Variants in SLC43A2 observed in about 807,000 individuals in gnomAD.
The protein encoded by SLC43A2 is large neutral amino acids transporter small subunit 4.
SLC43A2 carries 38 observed loss-of-function variants against 63.2 expected under a neutral mutation model. The ratio of observed to expected loss-of-function variants is 0.60; its 90% CI spans 0.46 to 0.79. SLC43A2 has a LOEUF of 0.79. SLC43A2 is among the 30% of genes least tolerant of loss of function. The probability of loss-of-function intolerance (pLI) is 0.00; values close to 1 mark genes in which losing one functional copy is unlikely to be tolerated. For synonymous variants in SLC43A2, 322 were observed against 331.0 expected (o/e 0.97, Z 0.30); for missense variants, 644 against 756.2 (o/e 0.85, Z 1.74).
At chr17:1,581,550 A>C (rs2076014476) in intron 11 of SLC43A2, among the ~76,000 whole-genome samples, 1 of 152,182 alleles carries the variant, frequency 6.6e-6, no homozygotes, top group Admixed American at 6.5e-5. Context: ...GCCTCCTGTA[A>C]AAAGGGAGGG....
chr17:1,627,651 C>CCAACCCCCCCCCCCCCA, intron 2 of SLC43A2, 64 bp downstream of exon 2: 6 of 686,270 alleles, frequency 8.7e-6, no homozygotes, highest in Non-Finnish European at 1.4e-5. Flanking sequence ...TCTTCGCCCC[C>CCAACCCCCCCCCCCCCA]ATCCCGCCCC....
intron 2 of SLC43A2, 54 bp downstream of exon 2, chr17:1,627,661 C>CA: frequency 2.4e-6 from 2 of 849,898 alleles, no homozygotes; most frequent in Non-Finnish European, 3.3e-6. Context: ...CATCCCGCCC[C>CA]CTCCCAAAGC....
At chr17:1,613,657 G>A (rs933578425) in intron 4 of SLC43A2, among the ~76,000 whole-genome samples, 3 of 152,078 alleles carry the variant, frequency 2.0e-5, no homozygotes, top group Non-Finnish European at 4.4e-5. Context: ...GGCTGGTCTC[G>A]AACTCCTGGC....
intron 5 of SLC43A2, among the ~76,000 whole-genome samples, chr17:1,594,640 T>A (rs1245185374): frequency 7.4e-6 from 1 of 135,658 alleles, no homozygotes; most frequent in Non-Finnish European, 1.6e-5. Flanking sequence ...CAGGCTGTAC[T>A]GCAGTGGCTC....
intron 3 of SLC43A2, among the ~76,000 whole-genome samples, chr17:1,615,759 C>T (rs977407335): frequency 8.7e-5 from 13 of 149,126 alleles, no homozygotes; most frequent in African/African-American, 2.7e-4. Flanking sequence ...AGGAGAATAG[C>T]GTGAACCCGG....
At chr17:1,615,134 G>T in intron 3 of SLC43A2, 100 bp from the exon 4 acceptor site, 1 of 1,414,820 alleles carries the variant, frequency 7.1e-7, no homozygotes, top group Non-Finnish European at 9.8e-7. Flanking sequence ...TTGAGACAGA[G>T]CCTTGCTCTG....
chr17:1,584,125 C>T (rs560207972), intron 10 of SLC43A2, among the ~76,000 whole-genome samples: 2 of 152,194 alleles, frequency 1.3e-5, no homozygotes, highest in Admixed American at 6.5e-5. Flanking sequence ...GATCTTCTGA[C>T]CTTGTGATCC....
intron 9 of SLC43A2, chr17:1,586,985 A>G (rs1367744488): frequency 1.4e-5 from 21 of 1,530,442 alleles, no homozygotes; most frequent in South Asian, 3.6e-5. Flanking sequence ...CAAAAGTGAA[A>G]AAGCAGAAAG....
In SLC43A2 at chr17:1,627,817, C is replaced by T. The variant is rs758442672; in HGVS notation, c.58G>A (p.Val20Met). 1 of 1,594,080 alleles carries T rather than the reference C, an allele frequency of 6.3e-7. No individual in the cohort carries two copies. Among genetic ancestry groups the T allele is most frequent in the Admixed American group, 1.7e-5 (1 of 57,234 alleles). The change falls in exon 2 of 14, where the codon GTG becomes ATG. Residue 20 changes from valine to methionine, a missense_variant. Val to Met is a conservative substitution (Grantham distance 21, BLOSUM62 1). Around this residue, in one of 3 missense-constraint regions of SLC43A2, gnomAD observed 528 missense variants for 623.6 expected, o/e 0.85. Transcript: ENST00000301335. ...RRRWWMACTA[V>M]LENLLFSAVL... Reference sequence around the variant, plus strand: ...GCCGAGAAGAGGAGGTTCTCCAGCACGGCCGTGCAGGCCATCCACCAGCGG... The same window carrying T: ...GCCGAGAAGAGGAGGTTCTCCAGCATGGCCGTGCAGGCCATCCACCAGCGG...
At chr17:1,614,112 G>A (rs996698501) in intron 4 of SLC43A2, among the ~76,000 whole-genome samples, 21 of 152,214 alleles carry the variant, frequency 1.4e-4, no homozygotes, top group South Asian at 1.0e-3. Context: ...GCGTGGTGGC[G>A]GGTGCCCGTG....
At chr17:1,615,638 T>G (rs1186487959) in intron 3 of SLC43A2, among the ~76,000 whole-genome samples, 1 of 148,620 alleles carries the variant, frequency 6.7e-6, no homozygotes, top group Non-Finnish European at 1.5e-5. Flanking sequence ...GGTCAGGAGA[T>G]CGAGACCATC....
chr17:1,612,536 G>A (rs895776689), intron 5 of SLC43A2, among the ~76,000 whole-genome samples: 2 of 152,238 alleles, frequency 1.3e-5, no homozygotes, highest in Non-Finnish European at 2.9e-5. Context: ...TCCATGAGCC[G>A]AAGCTCCCGG....
At chr17:1,589,822 T>G (rs1298578340) in intron 9 of SLC43A2, among the ~76,000 whole-genome samples, 10 of 152,106 alleles carry the variant, frequency 6.6e-5, no homozygotes, top group Non-Finnish European at 1.0e-4. Flanking sequence ...GGTTTCACAA[T>G]CTTGGCCAGG....
chr17:1,604,825 G>C, intron 5 of SLC43A2: 1 of 1,535,726 alleles, frequency 6.5e-7, no homozygotes. Context: ...ACTCCCGTAG[G>C]TCATCCTGAC....
intron 2 of SLC43A2, among the ~76,000 whole-genome samples, chr17:1,620,547 G>C (rs939008096): frequency 5.3e-5 from 8 of 152,082 alleles, no homozygotes; most frequent in Non-Finnish European, 1.2e-4. Context: ...CAGCCTTCTC[G>C]TCTTAAACAA....
intron 5 of SLC43A2, among the ~76,000 whole-genome samples, chr17:1,596,603 G>A (rs1905297355): frequency 1.3e-5 from 2 of 151,342 alleles, no homozygotes; most frequent in Non-Finnish European, 2.9e-5. Context: ...TTTTTTAGAT[G>A]GAGTCTCGCT....
chr17:1,602,688 T>A (rs1906167553), intron 5 of SLC43A2, among the ~76,000 whole-genome samples: 1 of 151,748 alleles, frequency 6.6e-6, no homozygotes, highest in Admixed American at 6.6e-5. Context: ...CATTCACAGT[T>A]CTATATACTA....
In SLC43A2 at chr17:1,578,233, C is replaced by A; in HGVS notation, c.1424+17G>T. 1 of 1,610,790 alleles carries A rather than the reference C, an allele frequency of 6.2e-7. No homozygotes were observed. The highest frequency in any genetic ancestry group is 1.3e-5 in the African/African-American group (1 of 75,004). ...ACACCCTCGCCCACCAGGCCACCTGCGGCTTCCAGGACTTACACGGCAGCG... is the reference window on the plus strand; with the variant it reads ...ACACCCTCGCCCACCAGGCCACCTGAGGCTTCCAGGACTTACACGGCAGCG... On this transcript the variant is annotated intron_variant, in intron 12 of 13. Coordinates refer to ENST00000301335, the MANE Select transcript of SLC43A2 (RefSeq NM_152346.3). This position sits in a 1 kb window ranked among gnomAD's most constrained non-coding sequence, Gnocchi z 6.5.
At chr17:1,628,263 A>C in intron 1 of SLC43A2, 1 of 167,390 alleles carries the variant, frequency 6.0e-6, no homozygotes, top group Non-Finnish European at 1.3e-5. Flanking sequence ...CAGGACTGAC[A>C]TCGCCTGGGG....
Sources: allele counts gnomAD v4.1 joint callset (sites outside exome capture counted in the v4.1 genomes callset), GRCh38; gene constraint gnomAD v4.1.1; regional missense constraint gnomAD v4.1.1; non-coding constraint Gnocchi (gnomAD v3.1); transcripts MANE v1.5; gene names NCBI Gene and HGNC (gene_info 2026-07-23, HGNC 2026-07-21).